The following SPTLC3 variants were observed in gnomAD, a reference collection of about 807,000 sequenced individuals.
SPTLC3 encodes serine palmitoyltransferase 3.
SPTLC3 carries 36 observed loss-of-function variants against 59.3 expected under a neutral mutation model. The observed-to-expected ratio is 0.61, with a 90% CI of 0.47 to 0.80. The LOEUF (loss-of-function observed/expected upper bound fraction) is 0.80. Ranked by LOEUF, SPTLC3 falls within the 30% of genes least tolerant of loss-of-function variation. The pLI is 0.00. For missense variants in SPTLC3, 625 were observed against 685.1 expected, an observed-to-expected ratio of 0.91 and a Z score of 0.98; for synonymous variants, 257 against 240.8, an observed-to-expected ratio of 1.07 and a Z score of -0.62.
At chr20:13,021,817 C>T (rs1402636889) in intron 1 of SPTLC3, among the ~76,000 whole-genome samples, 1 of 152,192 alleles carries the variant, frequency 6.6e-6, no homozygotes, top group African/African-American at 2.4e-5. Context: ...GAGAAATCAA[C>T]TATCAGAGTG....
chr20:13,144,620 C>T (rs58793787), intron 9 of SPTLC3, among the ~76,000 whole-genome samples: 2,475 of 152,284 alleles, frequency 0.016, 71 homozygotes, highest in African/African-American at 0.057. Context: ...AGAGAATCAA[C>T]AAACACTATA....
At chr20:13,095,457 T>A (rs562677373) in intron 6 of SPTLC3, among the ~76,000 whole-genome samples, 10 of 152,286 alleles carry the variant, frequency 6.6e-5, no homozygotes, top group African/African-American at 2.4e-4. Context: ...CCACCTCAGA[T>A]CAACTCAGTC....
At chr20:13,022,707 A>G (rs1162846332) in intron 1 of SPTLC3, among the ~76,000 whole-genome samples, 1 of 152,172 alleles carries the variant, frequency 6.6e-6, no homozygotes, top group African/African-American at 2.4e-5. Context: ...TAATGGGAAG[A>G]GTAGCAAAGA....
At chr20:13,120,283 A>G (rs1461173517) in intron 8 of SPTLC3, among the ~76,000 whole-genome samples, 5 of 152,224 alleles carry the variant, frequency 3.3e-5, no homozygotes, top group African/African-American at 7.2e-5. Context: ...TACTTCCCGT[A>G]TATCTCAAAT....
intron 2 of SPTLC3, among the ~76,000 whole-genome samples, chr20:13,060,438 A>T (rs1366565124): frequency 6.8e-6 from 1 of 147,968 alleles, no homozygotes; most frequent in Non-Finnish European, 1.5e-5. Flanking sequence ...GTCCTACTTT[A>T]TTTATTTTTT....
At chr20:13,119,212 G>A (rs1990762823) in intron 8 of SPTLC3, among the ~76,000 whole-genome samples, 1 of 152,184 alleles carries the variant, frequency 6.6e-6, no homozygotes, top group East Asian at 1.9e-4. Flanking sequence ...AATTTTTAAC[G>A]AAGCATAACT....
At chr20:13,121,997 T>G (rs2037878219) in intron 8 of SPTLC3, among the ~76,000 whole-genome samples, 1 of 152,150 alleles carries the variant, frequency 6.6e-6, no homozygotes, top group Non-Finnish European at 1.5e-5. Context: ...GAAGTTTTGT[T>G]TTACTTCCTT....
chr20:13,036,914 T>C (rs1047781068), intron 1 of SPTLC3, among the ~76,000 whole-genome samples: 2 of 152,144 alleles, frequency 1.3e-5, no homozygotes, highest in African/African-American at 2.4e-5. Flanking sequence ...CGTGGGTAGA[T>C]TGAAATGAGG....
rs1432253087 is a variant in SPTLC3 at position 13,009,302 on chromosome 20, G to A, written c.35G>A (p.Gly12Glu). 1 of 1,613,998 alleles carries A rather than the reference G, an allele frequency of 6.2e-7. No individual in the cohort carries two copies. Among genetic ancestry groups the A allele is most frequent in the South Asian group, 1.1e-5 (1 of 91,072 alleles). The change falls in exon 1 of 12, where the codon GGG becomes GAG. Residue 12 changes from glycine (G) to glutamate (E), a missense_variant. Transcript: ENST00000399002. ...ANPGGGAVCN[G>E]KLHNHKKQSN... The stretch of plus-strand genomic sequence containing the variant: ...CCTGGAGGTGGTGCTGTTTGCAACG[G>A]GAAACTTCACAATCACAAGAAACAG...
chr20:13,048,798 T>C (rs1600230229), intron 1 of SPTLC3, 147 bp from the exon 2 acceptor site: 1 of 678,876 alleles, frequency 1.5e-6, no homozygotes, highest in Non-Finnish European at 2.3e-6. Flanking sequence ...CATTTTTGAT[T>C]ACCCTCTTCA....
intron 2 of SPTLC3, among the ~76,000 whole-genome samples, chr20:13,056,441 C>A (rs8116374): frequency 7.0e-6 from 1 of 143,590 alleles, no homozygotes; most frequent in South Asian, 2.2e-4. Context: ...CATAGACTGA[C>A]GCTTTAACTT....
intron 9 of SPTLC3, among the ~76,000 whole-genome samples, chr20:13,134,426 A>G (rs113144406): frequency 6.6e-6 from 1 of 152,194 alleles, no homozygotes; most frequent in African/African-American, 2.4e-5. Flanking sequence ...TGTTGGGGAA[A>G]GTTCCCCCGC....
chr20:13,064,752 C>T (rs1988127691), intron 2 of SPTLC3, among the ~76,000 whole-genome samples: 1 of 152,164 alleles, frequency 6.6e-6, no homozygotes, highest in African/African-American at 2.4e-5. Flanking sequence ...AAAAAACTGG[C>T]CATTTTCATT....
intron 1 of SPTLC3, among the ~76,000 whole-genome samples, chr20:13,013,386 G>T (rs1364110797): frequency 6.6e-6 from 1 of 152,144 alleles, no homozygotes; most frequent in Non-Finnish European, 1.5e-5. Context: ...TGTCTGTGGG[G>T]CTCACCTAGG....
intron 1 of SPTLC3, among the ~76,000 whole-genome samples, chr20:13,025,328 C>G (rs1280707890): frequency 6.6e-6 from 1 of 152,142 alleles, no homozygotes; most frequent in Non-Finnish European, 1.5e-5. Flanking sequence ...CCTAATATCA[C>G]GTAACCTCAC....
At chr20:13,104,962 G>A (rs532489584) in intron 6 of SPTLC3, among the ~76,000 whole-genome samples, 1 of 152,100 alleles carries the variant, frequency 6.6e-6, no homozygotes, top group East Asian at 1.9e-4. Context: ...GTGTCATGGG[G>A]ATTAACATAA....
intron 2 of SPTLC3, among the ~76,000 whole-genome samples, chr20:13,056,735 C>T (rs935101537): frequency 5.4e-5 from 8 of 147,512 alleles, no homozygotes; most frequent in African/African-American, 2.0e-4. Flanking sequence ...CCAGCCCATC[C>T]TTAATCTTTT....
At chr20:13,114,236 G>A (rs1990407617) in intron 7 of SPTLC3, among the ~76,000 whole-genome samples, 2 of 152,234 alleles carry the variant, frequency 1.3e-5, no homozygotes, top group African/African-American at 4.8e-5. Flanking sequence ...AAAGTTTCAT[G>A]AATGCATGAT....
intron 10 of SPTLC3, among the ~76,000 whole-genome samples, chr20:13,156,747 A>G (rs1426404661): frequency 6.6e-6 from 1 of 152,230 alleles, no homozygotes; most frequent in African/African-American, 2.4e-5. Flanking sequence ...TTGGCATGCC[A>G]TAAGCATTCA....
Sources: gnomAD v4.1 joint callset for allele counts (sites outside exome capture counted in the v4.1 genomes callset) on GRCh38, gnomAD v4.1.1 for gene constraint, MANE v1.5 for transcripts, NCBI Gene and HGNC (gene_info 2026-07-23, HGNC 2026-07-21) for gene names.